The following SASH1 variants were observed in gnomAD, a reference collection of about 807,000 sequenced individuals.
SASH1 encodes SAM and SH3 domain-containing protein 1.
Under a neutral mutation model 125.2 loss-of-function variants are expected in SASH1, and 44 were observed. The ratio of observed to expected loss-of-function variants is 0.35; its 90% confidence interval spans 0.28 to 0.45. SASH1 has a LOEUF of 0.45. SASH1 is among the 20% of genes least tolerant of loss of function. The pLI, the probability that SASH1 is intolerant of heterozygous loss-of-function variation, is 1.00. For missense variants in SASH1, 1,426 were observed against 1,614.5 expected (o/e 0.88, Z 2.00); for synonymous variants, 639 against 649.1 (o/e 0.98, Z 0.24).
chr6:148,273,292 CTTTCT>C (rs1334862014), intron 1 of SASH1, among the ~76,000 whole-genome samples: 1 of 122,126 alleles, frequency 8.2e-6, no homozygotes, highest in African/African-American at 3.0e-5. Context: ...ATTTTTCTTT[CTTTCT>C]TTTTTTTTTT....
chr6:148,492,712 T>A (rs1779157614), intron 8 of SASH1, among the ~76,000 whole-genome samples: 1 of 151,980 alleles, frequency 6.6e-6, no homozygotes, highest in Non-Finnish European at 1.5e-5. Flanking sequence ...TCCCAGCTAC[T>A]TGGGAGGCTG....
chr6:148,271,254 T>C (rs1779057009), upstream of SASH1, among the ~76,000 whole-genome samples: 1 of 152,190 alleles, frequency 6.6e-6, no homozygotes, highest in South Asian at 2.1e-4. Context: ...CTAATGGTTA[T>C]GTTAGCACAT....
At chr6:148,436,297 C>T (rs1440151391) in intron 2 of SASH1, among the ~76,000 whole-genome samples, 2 of 151,952 alleles carry the variant, frequency 1.3e-5, no homozygotes, top group African/African-American at 2.4e-5. Context: ...TCGAGACCAG[C>T]CTGGGCAACA....
intron 1 of SASH1, among the ~76,000 whole-genome samples, chr6:148,285,151 T>G (rs1779449062): frequency 6.6e-6 from 1 of 152,158 alleles, no homozygotes; most frequent in African/African-American, 2.4e-5. Context: ...GAGCAGAACT[T>G]CAAGGATATA....
rs68036618 is a variant in SASH1 at position 148,486,936 on chromosome 6, AATATATATATATATATATAT to A, written c.628-639_628-620del. ...AGACCCTGTCTCAACAACAACAACA[AATATATATATATATATATAT>A]ATATATATATATATATATATATATA... On this transcript the variant is annotated intron_variant, in intron 7 of 19. Transcript: ENST00000367467. 3.0e-3 allele frequency among the ~76,000 whole-genome samples: 189 copies of A among 62,018 alleles called. 4 individuals carry two copies. Among genetic ancestry groups the A allele is most frequent in the East Asian group, 8.6e-3 (16 of 1,856 alleles). 40.7% of individuals were successfully genotyped at this position (62,018 alleles called of 152,430 possible). A position where few individuals can be genotyped will look rare whatever the true frequency, so the allele number is the denominator to read the frequency against.
At chr6:148,521,213 G>C (rs1195746158) in intron 10 of SASH1, among the ~76,000 whole-genome samples, 5 of 152,238 alleles carry the variant, frequency 3.3e-5, no homozygotes, top group Non-Finnish European at 7.3e-5. Context: ...ATAAAATGGT[G>C]CAAAGTGAGG....
At chr6:148,234,519 G>A in the SASH1 span, among the ~76,000 whole-genome samples, 10 of 151,884 alleles carry the variant, frequency 6.6e-5, no homozygotes, top group Non-Finnish European at 1.3e-4. Context: ...GGGTGGGGAG[G>A]TGAGGATAAG....
chr6:148,381,048 C>T lies in SASH1; in HGVS notation c.157-9086C>T, dbSNP rs183213288. Among the ~76,000 whole-genome samples the T allele has an allele frequency of 1.1e-3, 165 of 152,236 alleles. 1 individual carries two copies. Among genetic ancestry groups the T allele is most frequent in the Admixed American group, 2.5e-3 (38 of 15,294 alleles). Reference sequence around the variant, plus strand: ...GATGATTGAAGGGCATAAACACAGGCGAATGTTGACAGCTTTCCTCAGTTT... The same window carrying T: ...GATGATTGAAGGGCATAAACACAGGTGAATGTTGACAGCTTTCCTCAGTTT... On this transcript the variant is annotated intron_variant, in intron 1 of 19. Coordinates refer to ENST00000367467, the MANE Select transcript of SASH1 (RefSeq NM_015278.5).
At chr6:148,409,917 C>T (rs1277559839) in intron 2 of SASH1, among the ~76,000 whole-genome samples, 1 of 151,718 alleles carries the variant, frequency 6.6e-6, no homozygotes, top group African/African-American at 2.4e-5. Context: ...CCAGCCTGGG[C>T]AACAGAGCAA....
intron 15 of SASH1, 59 bp from the exon 16 acceptor site, chr6:148,534,692 G>T: frequency 6.4e-7 from 1 of 1,554,320 alleles, no homozygotes; most frequent in Admixed American, 1.7e-5. Context: ...AGTTGTTGGC[G>T]GTGTTATCAT....
intron 1 of SASH1, among the ~76,000 whole-genome samples, chr6:148,313,738 G>T (rs886403959): frequency 1.3e-5 from 2 of 152,180 alleles, no homozygotes; most frequent in East Asian, 1.9e-4. Flanking sequence ...GCTGCATGCC[G>T]GGTGTAGGGT....
the SASH1 span, among the ~76,000 whole-genome samples, chr6:148,261,706 C>T: frequency 6.6e-6 from 1 of 152,156 alleles, no homozygotes; most frequent in Non-Finnish European, 1.5e-5. Flanking sequence ...GTCCTGCATT[C>T]TGCCACAACA....
At chr6:148,316,859 C>T (rs1303096830) in intron 1 of SASH1, among the ~76,000 whole-genome samples, 1 of 152,172 alleles carries the variant, frequency 6.6e-6, no homozygotes, top group Non-Finnish European at 1.5e-5. Flanking sequence ...AGGTGTGTAT[C>T]TTGGGTGCAA....
chr6:148,511,018 G>T (rs1226997303), intron 8 of SASH1, among the ~76,000 whole-genome samples: 4 of 148,212 alleles, frequency 2.7e-5, no homozygotes, highest in Non-Finnish European at 6.0e-5. Context: ...AAAAAAGAAA[G>T]ACATGCTGTG....
chr6:148,338,502 T>G (rs943617358), upstream of SASH1, among the ~76,000 whole-genome samples: 1 of 152,118 alleles, frequency 6.6e-6, no homozygotes, highest in Non-Finnish European at 1.5e-5. Flanking sequence ...TGTGTTCACT[T>G]GGACTTATCA....
chr6:148,470,495 G>A (rs1017693384), intron 5 of SASH1, among the ~76,000 whole-genome samples: 27 of 152,302 alleles, frequency 1.8e-4, no homozygotes, highest in Middle Eastern at 3.4e-3. Context: ...GGCAGACACC[G>A]CTGCTGCTGC....
chr6:148,403,528 T>C (rs888517509), intron 2 of SASH1, among the ~76,000 whole-genome samples: 2 of 152,190 alleles, frequency 1.3e-5, no homozygotes, highest in Non-Finnish European at 2.9e-5. Context: ...TGTTAACAGC[T>C]GGGTTTTTGT....
At chr6:148,487,092 T>TATATACACAC (rs1339257717) in intron 7 of SASH1, among the ~76,000 whole-genome samples, 2 of 118,708 alleles carry the variant, frequency 1.7e-5, no homozygotes, top group African/African-American at 6.3e-5. Context: ...CACATATATA[T>TATATACACAC]ACACACACAC....
chr6:148,484,801 G>T (rs1778773142), intron 7 of SASH1, among the ~76,000 whole-genome samples: 1 of 152,080 alleles, frequency 6.6e-6, no homozygotes, highest in East Asian at 1.9e-4. Context: ...AAATTAGCTG[G>T]ATGTGGTGCC....
Sources: allele counts gnomAD v4.1 joint callset (sites outside exome capture counted in the v4.1 genomes callset), GRCh38; gene constraint gnomAD v4.1.1; transcripts MANE v1.5; gene names NCBI Gene and HGNC (gene_info 2026-07-23, HGNC 2026-07-21).